The following TENM3 variants were observed in gnomAD, a reference collection of about 807,000 sequenced individuals.
TENM3 encodes teneurin-3.
In TENM3, 63 loss-of-function variants were observed where a neutral mutation model predicts 255.1. That is an observed-to-expected ratio of 0.25 (90% CI 0.20 to 0.30). The LOEUF is 0.30. Ranked by LOEUF, TENM3 falls within the 10% of genes least tolerant of loss-of-function variation. The pLI is 1.00. For missense variants in TENM3, 2,929 were observed against 3,461.1 expected (o/e 0.85, Z 3.86); for synonymous variants, 1,306 against 1,322.3 (o/e 0.99, Z 0.27).
the TENM3 span, among the ~76,000 whole-genome samples, chr4:181,619,588 A>AT: frequency 6.8e-3 from 1,023 of 150,766 alleles, 11 homozygotes; most frequent in African/African-American, 0.024. Flanking sequence ...TATTTGGCCA[A>AT]TTTTTTTTTA....
At chr4:182,739,403 A>G (rs1157389600) in intron 18 of TENM3, among the ~76,000 whole-genome samples, 1 of 152,184 alleles carries the variant, frequency 6.6e-6, no homozygotes, top group Non-Finnish European at 1.5e-5. Context: ...CTTTGCTGGA[A>G]AAGCAGGACC....
intron 3 of TENM3, among the ~76,000 whole-genome samples, chr4:182,363,106 A>G (rs960926914): frequency 6.6e-6 from 1 of 152,142 alleles, no homozygotes; most frequent in Non-Finnish European, 1.5e-5. Flanking sequence ...CAAAATTGAC[A>G]TTTTACTTAA....
chr4:182,088,045 G>A, the TENM3 span, among the ~76,000 whole-genome samples: 2 of 152,100 alleles, frequency 1.3e-5, no homozygotes, highest in Non-Finnish European at 2.9e-5. Flanking sequence ...TGTTCCATGT[G>A]ATCTTATTAT....
chr4:182,340,471 A>G (rs1764419009), intron 2 of TENM3, among the ~76,000 whole-genome samples: 1 of 152,132 alleles, frequency 6.6e-6, no homozygotes, highest in South Asian at 2.1e-4. Flanking sequence ...TGGGGACCTT[A>G]AGGTATTTAG....
the TENM3 span, among the ~76,000 whole-genome samples, chr4:182,053,785 G>T: frequency 6.6e-6 from 1 of 152,152 alleles, no homozygotes; most frequent in African/African-American, 2.4e-5. Context: ...ATTGATCTCA[G>T]ATGCTGGGCT....
At chr4:182,460,193 G>C (rs1580626841) in intron 3 of TENM3, among the ~76,000 whole-genome samples, 2 of 152,066 alleles carry the variant, frequency 1.3e-5, no homozygotes, top group East Asian at 3.9e-4. Context: ...CATGACCCTA[G>C]GACAGAGGAC....
At chr4:182,244,178 C>A (rs1028902311) in intron 1 of TENM3, among the ~76,000 whole-genome samples, 1 of 151,740 alleles carries the variant, frequency 6.6e-6, no homozygotes, top group Non-Finnish European at 1.5e-5. Context: ...TGGTCTCGAT[C>A]TCCTGACCTC....
the TENM3 span, among the ~76,000 whole-genome samples, chr4:181,904,855 A>G: frequency 6.6e-6 from 1 of 152,168 alleles, no homozygotes; most frequent in African/African-American, 2.4e-5. Context: ...AGATGATTGA[A>G]TCATGGAGGG....
chr4:182,232,130 G>A (rs948842943), intron 1 of TENM3, among the ~76,000 whole-genome samples: 2 of 152,112 alleles, frequency 1.3e-5, no homozygotes, highest in African/African-American at 4.8e-5. Context: ...ATTGTTGGTA[G>A]CGTATATACA....
rs937894139 is a variant in TENM3, at chr4:182,650,820, A to T, written c.989-2951A>T. 4.7e-5 allele frequency among the ~76,000 whole-genome samples: 7 copies of T among 149,924 alleles called. 1 individual carries two copies. The highest frequency in any genetic ancestry group is 1.7e-4 in the African/African-American group (7 of 41,198). ...TAAAGAGATAATATTTCTGGATATG[A>T]GTCTCATTATATAGCATCTTCAGTA... On this transcript the variant is annotated intron_variant, in intron 5 of 27. Coordinates refer to ENST00000511685, the MANE Select transcript of TENM3 (RefSeq NM_001080477.4).
chr4:181,629,736 G>A, the TENM3 span, among the ~76,000 whole-genome samples: 1 of 152,246 alleles, frequency 6.6e-6, no homozygotes, highest in African/African-American at 2.4e-5. Flanking sequence ...GATTCGGTTT[G>A]CCAGTATTTT....
chr4:181,787,652 A>C, the TENM3 span, among the ~76,000 whole-genome samples: 1 of 151,978 alleles, frequency 6.6e-6, no homozygotes, highest in Non-Finnish European at 1.5e-5. Context: ...TCCATCCTTA[A>C]CATTCCTTTC....
rs142000018 is a variant in TENM3 at position 182,197,150 on chromosome 4, T to G, written c.-76+52396T>G. Among the ~76,000 whole-genome samples, 795 of 152,354 alleles carry G rather than the reference T, an allele frequency of 5.2e-3. 9 individuals carry two copies. The highest frequency in any genetic ancestry group is 0.018 in the African/African-American group (761 of 41,586). Reference sequence around the variant, plus strand: ...TTTCCTATACAAATAATAAGCTGTGTTTCTATTATTTTTGTTGTCTACAAG... The same window carrying G: ...TTTCCTATACAAATAATAAGCTGTGGTTCTATTATTTTTGTTGTCTACAAG... On this transcript the variant is annotated intron_variant, in intron 1 of 2. Coordinates refer to the TENM3 transcript ENST00000512480.
chr4:181,559,794 C>G, the TENM3 span, among the ~76,000 whole-genome samples: 2 of 152,204 alleles, frequency 1.3e-5, no homozygotes, highest in African/African-American at 4.8e-5. Context: ...CGCATACCAG[C>G]CAAACTACAA....
intron 3 of TENM3, among the ~76,000 whole-genome samples, chr4:182,585,083 T>C (rs1202905751): frequency 6.6e-6 from 1 of 152,244 alleles, no homozygotes; most frequent in Non-Finnish European, 1.5e-5. Context: ...TTTATTACTT[T>C]GTTTGAATAA....
chr4:182,386,644 C>G (rs1767943514), intron 3 of TENM3, among the ~76,000 whole-genome samples: 1 of 152,196 alleles, frequency 6.6e-6, no homozygotes. Context: ...TTGGCGGGCC[C>G]CGCACTCGGA....
chr4:181,753,808 G>A, the TENM3 span, among the ~76,000 whole-genome samples: 1 of 152,282 alleles, frequency 6.6e-6, no homozygotes, highest in Non-Finnish European at 1.5e-5. Flanking sequence ...AGATGGCAGA[G>A]TGACTTAGAG....
chr4:182,634,126 A>G (rs944799005), intron 5 of TENM3, among the ~76,000 whole-genome samples: 1 of 152,198 alleles, frequency 6.6e-6, no homozygotes, highest in African/African-American at 2.4e-5. Context: ...GTCCCGTTTC[A>G]TGATGGAAAT....
the TENM3 span, among the ~76,000 whole-genome samples, chr4:181,462,530 G>A: frequency 2.6e-5 from 4 of 152,132 alleles, no homozygotes; most frequent in Non-Finnish European, 5.9e-5. Flanking sequence ...TATGCTTGCC[G>A]TCATCCAATG....
Sources: allele counts gnomAD v4.1 joint callset (sites outside exome capture counted in the v4.1 genomes callset), GRCh38; gene constraint gnomAD v4.1.1; transcripts MANE v1.5; gene names NCBI Gene and HGNC (gene_info 2026-07-23, HGNC 2026-07-21).